The following TPRG1 variants were observed in gnomAD, a reference collection of about 807,000 sequenced individuals.
TPRG1 encodes the protein tumor protein p63-regulated gene 1 protein.
TPRG1 carries 29 observed loss-of-function variants against 29.3 expected under a neutral mutation model. The ratio of observed to expected loss-of-function variants is 0.99; its 90% CI spans 0.74 to 1.35. The LOEUF is 1.35. TPRG1 is among the 40% of genes most tolerant of loss of function. TPRG1 has a pLI of 0.00. For missense variants in TPRG1, 327 were observed against 335.0 expected (o/e 0.98, Z 0.19); for synonymous variants, 130 against 116.8 (o/e 1.11, Z -0.73).
chr3:189,247,063 TC>T (rs1741478786), intron 4 of TPRG1, among the ~76,000 whole-genome samples: 1 of 152,092 alleles, frequency 6.6e-6, no homozygotes, highest in Admixed American at 6.6e-5. Context: ...TTTCATTTTT[TC>T]TTTCTATTTG....
chr3:189,158,944 GT>G (rs113529854), intron 5 of TPRG1, among the ~76,000 whole-genome samples: 2 of 144,646 alleles, frequency 1.4e-5, no homozygotes, highest in Non-Finnish European at 3.0e-5. Flanking sequence ...TTTTGTTTTT[GT>G]TTTTTTTGGT....
chr3:189,013,211 CT>C (rs1356142639), intron 3 of TPRG1, among the ~76,000 whole-genome samples: 1 of 152,018 alleles, frequency 6.6e-6, no homozygotes, highest in Non-Finnish European at 1.5e-5. Flanking sequence ...GATTCTGGTA[CT>C]TTGTATCTTT....
chr3:189,159,833 T>C (rs1727216270), intron 5 of TPRG1, among the ~76,000 whole-genome samples: 2 of 100,046 alleles, frequency 2.0e-5, no homozygotes, highest in African/African-American at 9.7e-5. Flanking sequence ...TCATGGAGTG[T>C]TTGTGTATGT....
chr3:189,288,648 G>A (rs751293856), intron 4 of TPRG1, among the ~76,000 whole-genome samples: 1 of 152,174 alleles, frequency 6.6e-6, no homozygotes, highest in Admixed American at 6.5e-5. Context: ...ACCTCAGTGG[G>A]GTCAAAGGCT....
intron 5 of TPRG1, among the ~76,000 whole-genome samples, chr3:189,317,612 G>A (rs922974595): frequency 2.0e-5 from 3 of 152,190 alleles, no homozygotes; most frequent in African/African-American, 7.2e-5. Flanking sequence ...ACACAGCTAT[G>A]TGAGTATCAT....
intron 4 of TPRG1, among the ~76,000 whole-genome samples, chr3:189,093,307 T>A (rs1718461028): frequency 6.6e-6 from 1 of 152,314 alleles, no homozygotes; most frequent in Non-Finnish European, 1.5e-5. Flanking sequence ...TTCCTTAAAT[T>A]CTTTCACATC....
chr3:189,245,758 G>C (rs975738747), intron 4 of TPRG1, among the ~76,000 whole-genome samples: 1 of 151,994 alleles, frequency 6.6e-6, no homozygotes, highest in Non-Finnish European at 1.5e-5. Flanking sequence ...TAGTTACTGA[G>C]TGGAGTGCAA....
At chr3:189,142,719 C>T (rs1724736500) in intron 3 of TPRG1, among the ~76,000 whole-genome samples, 1 of 152,170 alleles carries the variant, frequency 6.6e-6, no homozygotes, top group African/African-American at 2.4e-5. Context: ...ATGAATCACC[C>T]CATGATGCAG....
At chr3:189,092,836 G>A (rs971378398) in intron 4 of TPRG1, among the ~76,000 whole-genome samples, 1 of 152,100 alleles carries the variant, frequency 6.6e-6, no homozygotes, top group Non-Finnish European at 1.5e-5. Context: ...CTGCATGCAA[G>A]GCCCTGTTCT....
At chr3:189,257,181 C>G (rs556270002) in intron 4 of TPRG1, among the ~76,000 whole-genome samples, 2 of 152,278 alleles carry the variant, frequency 1.3e-5, no homozygotes, top group South Asian at 4.1e-4. Context: ...CCTTCAGGAG[C>G]TCTTGTAAGG....
intron 4 of TPRG1, among the ~76,000 whole-genome samples, chr3:189,053,021 A>G (rs972129559): frequency 1.3e-5 from 2 of 152,146 alleles, no homozygotes; most frequent in African/African-American, 4.8e-5. Context: ...GAATCTCACA[A>G]ATCACCATTA....
intron 4 of TPRG1, among the ~76,000 whole-genome samples, chr3:189,069,155 T>C (rs1307603875): frequency 6.6e-6 from 1 of 152,210 alleles, no homozygotes; most frequent in Admixed American, 6.5e-5. Context: ...TATCATGAAT[T>C]ACTGCTCAGC....
At chr3:189,138,681 C>T (rs571924829) in intron 3 of TPRG1, among the ~76,000 whole-genome samples, 2 of 152,266 alleles carry the variant, frequency 1.3e-5, no homozygotes, top group South Asian at 2.1e-4. Context: ...ACTTAGCCAC[C>T]CAGCCACACT....
rs148147236 is a variant in TPRG1, at chr3:189,285,957, T to A, written c.480-24429T>A. ...CTTTTGAGGGATGTTGTCTCCTGCA[T>A]GTTAGTCTTGCCTGAGTGAGGTCCC... On this transcript the variant is annotated intron_variant, in intron 4 of 5. Coordinates refer to ENST00000345063, the MANE Select transcript of TPRG1 (RefSeq NM_198485.4). Among the ~76,000 whole-genome samples, 3 of 150,928 alleles carry A rather than the reference T, an allele frequency of 2.0e-5. No individual in the cohort carries two copies. The East Asian group carries it at 5.8e-4, about 29-fold the overall frequency.
intron 3 of TPRG1, among the ~76,000 whole-genome samples, chr3:189,228,295 A>C (rs1738095748): frequency 6.6e-6 from 1 of 152,230 alleles, no homozygotes; most frequent in Non-Finnish European, 1.5e-5. Flanking sequence ...GTATAACCTG[A>C]TACCAAAACC....
upstream of TPRG1, among the ~76,000 whole-genome samples, chr3:189,095,302 G>A (rs1363710501): frequency 6.6e-6 from 1 of 152,086 alleles, no homozygotes; most frequent in East Asian, 1.9e-4. Context: ...GGAGAGTGGG[G>A]GAGTCATAGA....
chr3:189,315,182 ATT>A (rs1478894507), intron 5 of TPRG1, among the ~76,000 whole-genome samples: 7 of 152,076 alleles, frequency 4.6e-5, no homozygotes, highest in African/African-American at 1.7e-4. Context: ...GAGGACAGTT[ATT>A]CAGAGGGATT....
chr3:189,002,177 C>T (rs768467927), intron 2 of TPRG1, among the ~76,000 whole-genome samples: 35 of 152,184 alleles, frequency 2.3e-4, no homozygotes, highest in South Asian at 1.4e-3. Flanking sequence ...ATATGCAGCG[C>T]GCTGCCTCAT....
At chr3:189,003,797 AC>A (rs1315193215) in intron 2 of TPRG1, among the ~76,000 whole-genome samples, 1 of 151,992 alleles carries the variant, frequency 6.6e-6, no homozygotes, top group Non-Finnish European at 1.5e-5. Flanking sequence ...GCCAGAGGGT[AC>A]CATGGTTCAA....
Sources: gnomAD v4.1 joint callset for allele counts (sites outside exome capture counted in the v4.1 genomes callset) on GRCh38, gnomAD v4.1.1 for gene constraint, MANE v1.5 for transcripts, NCBI Gene and HGNC (gene_info 2026-07-23, HGNC 2026-07-21) for gene names.